The following MAPKAPK3 variants were observed in gnomAD, a reference collection of about 807,000 sequenced individuals.
MAPKAPK3 encodes the protein MAPK activated protein kinase 3.
In MAPKAPK3, 35 loss-of-function variants were observed where a neutral mutation model predicts 49.2. The ratio of observed to expected loss-of-function variants is 0.71; its 90% confidence interval spans 0.54 to 0.94. The LOEUF (loss-of-function observed/expected upper bound fraction) is 0.94, where lower values mean the gene tolerates loss of function less well. Among genes scored for constraint, MAPKAPK3 ranks in the 40% least tolerant of loss-of-function variants. The pLI is 0.00. For missense variants in MAPKAPK3, 398 were observed against 493.1 expected (o/e 0.81, Z 1.83); for synonymous variants, 178 against 188.7 (o/e 0.94, Z 0.46).
chr3:50,635,370 A>T (rs1306598518), intron 2 of MAPKAPK3, among the ~76,000 whole-genome samples: 2 of 127,100 alleles, frequency 1.6e-5, no homozygotes, highest in African/African-American at 3.1e-5. Flanking sequence ...CATGTCTCCC[A>T]TTTGTTGAGC....
intron 2 of MAPKAPK3, among the ~76,000 whole-genome samples, chr3:50,622,949 T>C (rs983115011): frequency 6.6e-6 from 1 of 152,212 alleles, no homozygotes; most frequent in Non-Finnish European, 1.5e-5. Context: ...CCTGGATGCC[T>C]CACTCTCCCT....
At chr3:50,632,837 G>A (rs1374738412) in intron 2 of MAPKAPK3, among the ~76,000 whole-genome samples, 1 of 152,226 alleles carries the variant, frequency 6.6e-6, no homozygotes, top group Non-Finnish European at 1.5e-5. Flanking sequence ...CTGTATGTGA[G>A]AGATGGAGAT....
At chr3:50,645,220 TTAGAAATCTTC>T (rs1302064577) in intron 6 of MAPKAPK3, among the ~76,000 whole-genome samples, 3 of 152,172 alleles carry the variant, frequency 2.0e-5, no homozygotes, top group Admixed American at 2.0e-4. Flanking sequence ...GTATTTTAAC[TTAGAAATCTTC>T]TAGCCTACCC....
intron 2 of MAPKAPK3, among the ~76,000 whole-genome samples, chr3:50,621,294 A>G (rs192964591): frequency 2.6e-5 from 4 of 152,208 alleles, no homozygotes; most frequent in East Asian, 1.9e-4. Flanking sequence ...CCTTATCTCT[A>G]CACAAAATTT....
upstream of MAPKAPK3, chr3:50,614,192 A>G (rs968694869): frequency 1.3e-5 from 2 of 152,288 alleles, no homozygotes; most frequent in Non-Finnish European, 2.9e-5. Context: ...TGGCCAACTT[A>G]GTACTTAATT....
In MAPKAPK3 at chr3:50,621,961, G is replaced by A. The variant is rs370414904; in HGVS notation, c.219+4177G>A. On this transcript the variant is annotated intron_variant, in intron 2 of 10. Coordinates refer to ENST00000621469, the MANE Select transcript of MAPKAPK3 (RefSeq NM_001243925.2). ...TCTTTGTTAAGGAGAGTAGAGTGGT[G>A]GGGTGGTGGATCCACATGTCCAGGA... 8.7e-4 allele frequency among the ~76,000 whole-genome samples: 133 copies of A among 152,270 alleles called. 3 individuals carry two copies. In the South Asian group the frequency reaches 0.024, roughly 27 times the overall value.
chr3:50,622,310 T>C (rs4234696), intron 2 of MAPKAPK3, among the ~76,000 whole-genome samples: 149,278 of 152,314 alleles, frequency 0.98, 73,231 homozygotes, highest in Middle Eastern at 1. Flanking sequence ...GCATTCAAAG[T>C]CTCTGCAGTC....
chr3:50,648,056 C>T lies in MAPKAPK3; in HGVS notation c.*10C>T, dbSNP rs1408775260. 1 of 1,609,392 alleles carries T rather than the reference C, an allele frequency of 6.2e-7. No homozygotes were observed. Among genetic ancestry groups the T allele is most frequent in the East Asian group, 2.2e-5 (1 of 44,878 alleles). ...CTGCAACAACCAGTAGCTCATGGGGCCTTGGAGGAGCCTGGCCTCTCAGCC... is the reference window on the plus strand; with the variant it reads ...CTGCAACAACCAGTAGCTCATGGGGTCTTGGAGGAGCCTGGCCTCTCAGCC... On this transcript the variant is annotated 3_prime_UTR_variant, in exon 11 of 11. Transcript: ENST00000621469.
At chr3:50,640,174 C>G (rs1375511133) in intron 2 of MAPKAPK3, among the ~76,000 whole-genome samples, 192 bp from the exon 3 acceptor site, 1 of 152,166 alleles carries the variant, frequency 6.6e-6, no homozygotes, top group Non-Finnish European at 1.5e-5. Flanking sequence ...TGCTTGAGCC[C>G]AGGACTGACC....
intron 2 of MAPKAPK3, among the ~76,000 whole-genome samples, chr3:50,635,449 A>G (rs186204608): frequency 5.3e-4 from 36 of 68,334 alleles, no homozygotes; most frequent in Admixed American, 5.1e-4. Context: ...ATGGAGTTTC[A>G]TTCTGTCATC....
intron 2 of MAPKAPK3, among the ~76,000 whole-genome samples, chr3:50,625,574 A>G (rs909605169): frequency 1.3e-5 from 2 of 152,180 alleles, no homozygotes; most frequent in Non-Finnish European, 2.9e-5. Context: ...AGATGCTGAA[A>G]AGATTGCTTT....
At chr3:50,646,691 G>T in intron 8 of MAPKAPK3, 49 bp from the exon 9 acceptor site, 1 of 1,537,152 alleles carries the variant, frequency 6.5e-7, no homozygotes, top group Non-Finnish European at 9.0e-7. Flanking sequence ...AGGGTGGAGG[G>T]GCTGGCTCTG....
intron 1 of MAPKAPK3, 84 bp from the exon 2 acceptor site, chr3:50,617,430 C>T (rs959954847): frequency 2.9e-5 from 17 of 593,914 alleles, no homozygotes; most frequent in Non-Finnish European, 6.0e-6. Context: ...GCCCCGGGCT[C>T]GCAGCCCAGC....
chr3:50,647,918 A>T lies in MAPKAPK3; in HGVS notation c.1021A>T (p.Thr341Ser), dbSNP rs768522300. 1 of 1,613,848 alleles carries T rather than the reference A, an allele frequency of 6.2e-7. No homozygotes were observed. Among genetic ancestry groups the T allele is most frequent in the South Asian group, 1.1e-5 (1 of 91,070 alleles). The part of the protein sequence containing the change: ...VKEEMTSALA[T>S]MRVDYDQVKI... ...GGAGGAGATGACCAGTGCCTTGGCCACTATGCGGGTAGACTACGACCAGGT... is the reference window on the plus strand; with the variant it reads ...GGAGGAGATGACCAGTGCCTTGGCCTCTATGCGGGTAGACTACGACCAGGT... The change falls in exon 11 of 11, where the codon ACT (threonine) becomes TCT (serine). Residue 341 changes from threonine to serine, a missense_variant. Thr to Ser is a moderately conservative substitution (Grantham distance 58). Around this residue, in one of 5 missense-constraint regions of MAPKAPK3, gnomAD observed 152 missense variants for 177.3 expected, o/e 0.86. Coordinates refer to ENST00000621469, the MANE Select transcript of MAPKAPK3 (RefSeq NM_001243925.2).
At chr3:50,644,858 A>T (rs930479177) in intron 6 of MAPKAPK3, among the ~76,000 whole-genome samples, 1 of 152,140 alleles carries the variant, frequency 6.6e-6, no homozygotes, top group Non-Finnish European at 1.5e-5. Context: ...GTTTTTCTCT[A>T]GTTTTTGTCT....
At position 50,617,654 on chromosome 3, in the gene MAPKAPK3, G is replaced by T. The variant is rs1027886642; in HGVS notation, c.89G>T (p.Gly30Val). 15 of 1,610,588 alleles carry T rather than the reference G, an allele frequency of 9.3e-6. No individual in the cohort carries two copies. Among genetic ancestry groups the T allele is most frequent in the East Asian group, 2.2e-5 (1 of 44,858 alleles). The change falls in exon 2 of 11, where the codon GGG (glycine) becomes GTG (valine). Residue 30 changes from glycine (G) to valine (V), a missense_variant. Transcript: ENST00000621469. Reference protein sequence around the residue: ...GGPGLGGAPGGRREPKKYAVT... With the variant: ...GGPGLGGAPGVRREPKKYAVT... ...CCCGGCTTGGGCGGTGCTCCGGGGG[G>T]GCGGCGGGAGCCCAAGAAGTACGCA...
At chr3:50,615,628 G>C (rs1398498080), upstream of MAPKAPK3, among the ~76,000 whole-genome samples, 1 of 152,158 alleles carries the variant, frequency 6.6e-6, no homozygotes, top group Non-Finnish European at 1.5e-5. Flanking sequence ...CTGTAGTGTG[G>C]GGCAGAAGGG....
chr3:50,623,664 T>C (rs562772228), intron 2 of MAPKAPK3, among the ~76,000 whole-genome samples: 167 of 152,246 alleles, frequency 1.1e-3, no homozygotes, highest in Non-Finnish European at 1.7e-3. Flanking sequence ...ACTCCCATTA[T>C]ATGGATGAGG....
intron 2 of MAPKAPK3, among the ~76,000 whole-genome samples, chr3:50,639,236 T>C (rs534767068): frequency 9.8e-5 from 15 of 152,320 alleles, no homozygotes; most frequent in African/African-American, 3.6e-4. Context: ...GAGCTGTGAA[T>C]GTATGCCTGA....
Sources: gnomAD v4.1 joint callset for allele counts (sites outside exome capture counted in the v4.1 genomes callset) on GRCh38, gnomAD v4.1.1 for gene constraint, gnomAD v4.1.1 regional missense constraint, MANE v1.5 for transcripts, NCBI Gene and HGNC (gene_info 2026-07-23, HGNC 2026-07-21) for gene names.